Variants in VWA3B observed in about 807,000 individuals in gnomAD.
VWA3B encodes the protein von Willebrand factor A domain containing 3B.
VWA3B carries 138 observed loss-of-function variants against 158.3 expected under a neutral mutation model. The ratio of observed to expected loss-of-function variants is 0.87; its 90% CI spans 0.76 to 1.00. The LOEUF (loss-of-function observed/expected upper bound fraction) is 1.00, where lower values mean the gene tolerates loss of function less well. Ranked by LOEUF, VWA3B falls within the 50% of genes least tolerant of loss-of-function variation. VWA3B has a pLI of 0.00. For missense variants in VWA3B, 1,555 were observed against 1,565.1 expected, an observed-to-expected ratio of 0.99 and a Z score of 0.11; for synonymous variants, 596 against 587.3, an observed-to-expected ratio of 1.01 and a Z score of -0.21.
chr2:98,146,907 C>T (rs1288553351), intron 7 of VWA3B, among the ~76,000 whole-genome samples: 1 of 152,188 alleles, frequency 6.6e-6, no homozygotes, highest in Admixed American at 6.5e-5. Flanking sequence ...AATGTGGAAC[C>T]TGATGTCTTC....
chr2:98,169,715 CTGTGTGTGTGTG>C (rs61535424), intron 8 of VWA3B, among the ~76,000 whole-genome samples: 4,269 of 134,304 alleles, frequency 0.032, 186 homozygotes, highest in African/African-American at 0.1. Context: ...CCTGGGCATT[CTGTGTGTGTGTG>C]TGTGTGTGTG....
At chr2:98,112,509 A>C (rs1170675138) in intron 2 of VWA3B, among the ~76,000 whole-genome samples, 2 of 152,066 alleles carry the variant, frequency 1.3e-5, no homozygotes, top group East Asian at 3.8e-4. Context: ...GAAATCAGAC[A>C]TAATCCGTAA....
intron 2 of VWA3B, 149 bp from the exon 3 acceptor site, chr2:98,115,503 C>G (rs897877234): frequency 3.2e-6 from 2 of 624,904 alleles, no homozygotes; most frequent in Middle Eastern, 4.3e-4. Flanking sequence ...AGAAATACTT[C>G]ATGATTTAGA....
intron 22 of VWA3B, among the ~76,000 whole-genome samples, chr2:98,288,930 A>G (rs540190143): frequency 2.0e-5 from 3 of 152,146 alleles, no homozygotes; most frequent in Non-Finnish European, 4.4e-5. Flanking sequence ...TCGTGTTGTC[A>G]ATGTTGTACT....
chr2:98,259,474 G>T (rs1687351238), intron 21 of VWA3B, among the ~76,000 whole-genome samples: 1 of 151,392 alleles, frequency 6.6e-6, no homozygotes, highest in African/African-American at 2.4e-5. Flanking sequence ...GAGTCATTTT[G>T]GTAATCTGTT....
chr2:98,117,934 A>G (rs1029028896), intron 3 of VWA3B, among the ~76,000 whole-genome samples: 6 of 151,994 alleles, frequency 3.9e-5, no homozygotes, highest in African/African-American at 1.4e-4. Context: ...ATGGGGTTTC[A>G]CCATGTTGGC....
chr2:98,124,616 G>T (rs949969438), intron 5 of VWA3B, among the ~76,000 whole-genome samples: 3 of 152,232 alleles, frequency 2.0e-5, no homozygotes, highest in Non-Finnish European at 4.4e-5. Context: ...CAGAAATGTT[G>T]CAGTGTTCAA....
intron 7 of VWA3B, among the ~76,000 whole-genome samples, chr2:98,147,618 A>G (rs752978767): frequency 6.6e-6 from 1 of 152,160 alleles, no homozygotes; most frequent in Non-Finnish European, 1.5e-5. Context: ...ATCATTTCCT[A>G]TTAGATATTT....
intron 2 of VWA3B, among the ~76,000 whole-genome samples, chr2:98,102,269 T>C (rs1304698819): frequency 6.6e-6 from 1 of 152,250 alleles, no homozygotes; most frequent in Non-Finnish European, 1.5e-5. Context: ...TTATGTCTAC[T>C]TCTTTCTACA....
rs1341422135 is a variant in VWA3B, at chr2:98,158,768, C to T, written c.989-4083C>T. Among the ~76,000 whole-genome samples, 9 of 151,930 alleles carry T rather than the reference C, an allele frequency of 5.9e-5. No homozygotes were observed. The South Asian group carries it at 1.5e-3, about 25-fold the overall frequency. ...GAAGGGTGGGACGGGGTGGGTGCAG[C>T]GGAGGGCTCAGTCCTCTGATACAGA... On this transcript the variant is annotated intron_variant, in intron 7 of 27. Transcript: ENST00000477737.
intron 12 of VWA3B, among the ~76,000 whole-genome samples, chr2:98,194,793 G>A (rs1553410670): frequency 6.7e-6 from 1 of 150,134 alleles, no homozygotes; most frequent in African/African-American, 2.4e-5. Flanking sequence ...TTTTTTTTTT[G>A]TACTCAGACA....
At chr2:98,090,072 G>A (rs1379430971) in intron 1 of VWA3B, among the ~76,000 whole-genome samples, 1 of 152,160 alleles carries the variant, frequency 6.6e-6, no homozygotes, top group African/African-American at 2.4e-5. Flanking sequence ...CAAGAATATT[G>A]TAGGAGGTGG....
chr2:98,157,137 G>A (rs1018599930), intron 7 of VWA3B, among the ~76,000 whole-genome samples: 2 of 152,068 alleles, frequency 1.3e-5, no homozygotes, highest in Admixed American at 6.5e-5. Flanking sequence ...CCCAGAGGAC[G>A]GTGCCACATT....
chr2:98,093,216 C>A lies in VWA3B; in HGVS notation c.124C>A (p.Leu42Met), dbSNP rs200359284. 1.1e-3 allele frequency: 1,765 copies of A among 1,614,130 alleles called. 2 individuals carry two copies. The highest frequency in any genetic ancestry group is 1.5e-3 in the South Asian group (140 of 91,082). The change falls in exon 2 of 28, where the codon CTG becomes ATG. Residue 42 changes from leucine to methionine, a missense_variant. Coordinates refer to ENST00000477737, the MANE Select transcript of VWA3B (RefSeq NM_144992.5). ...SLISSEKWLQ[L>M]HGLKSNKLTL... Reference sequence around the variant, plus strand: ...CATTTCATCTGAGAAATGGCTTCAACTGCATGGGCTTAAGAGCAACAAATT... The same window carrying A: ...CATTTCATCTGAGAAATGGCTTCAAATGCATGGGCTTAAGAGCAACAAATT...
chr2:98,179,178 C>T, intron 8 of VWA3B: 1 of 470,362 alleles, frequency 2.1e-6, no homozygotes, highest in Non-Finnish European at 4.4e-6. Context: ...ACACCAGTGC[C>T]TCCTCAGCTT....
At chr2:98,176,785 C>G (rs1250578698) in intron 8 of VWA3B, among the ~76,000 whole-genome samples, 1 of 152,200 alleles carries the variant, frequency 6.6e-6, no homozygotes, top group Non-Finnish European at 1.5e-5. Flanking sequence ...ATCAAGAATC[C>G]TTTGAAACTT....
intron 5 of VWA3B, among the ~76,000 whole-genome samples, chr2:98,127,342 G>A (rs1675444052): frequency 6.6e-6 from 1 of 152,158 alleles, no homozygotes; most frequent in Non-Finnish European, 1.5e-5. Flanking sequence ...GGAAGACACT[G>A]AAGTTAGGTC....
chr2:98,219,909 T>A (rs890755299), intron 14 of VWA3B, among the ~76,000 whole-genome samples: 2 of 151,996 alleles, frequency 1.3e-5, no homozygotes, highest in Non-Finnish European at 2.9e-5. Context: ...ACACCTGTAA[T>A]CCTAGCACTT....
intron 19 of VWA3B, among the ~76,000 whole-genome samples, chr2:98,237,279 C>T (rs1201098347): frequency 6.6e-6 from 1 of 152,166 alleles, no homozygotes; most frequent in Non-Finnish European, 1.5e-5. Context: ...TGTGGGGCTG[C>T]AGAAATGATT....
Sources: allele counts gnomAD v4.1 joint callset (sites outside exome capture counted in the v4.1 genomes callset), GRCh38; gene constraint gnomAD v4.1.1; transcripts MANE v1.5; gene names NCBI Gene and HGNC (gene_info 2026-07-23, HGNC 2026-07-21).